The following PCDH9 variants were observed in gnomAD, a reference collection of about 807,000 sequenced individuals.
PCDH9 encodes the protein protocadherin-9.
A neutral mutation model predicts 70.6 loss-of-function variants in PCDH9; 24 were observed. The observed-to-expected ratio is 0.34, with a 90% CI of 0.25 to 0.48. PCDH9 has a LOEUF of 0.48. Among genes scored for constraint, PCDH9 ranks in the 20% least tolerant of loss-of-function variants. The probability of loss-of-function intolerance (pLI) is 0.99; values close to 1 mark genes in which losing one functional copy is unlikely to be tolerated. For synonymous variants in PCDH9, 562 were observed against 558.5 expected, an observed-to-expected ratio of 1.01 and a Z score of -0.09; for missense variants, 1,281 against 1,503.6, an observed-to-expected ratio of 0.85 and a Z score of 2.45.
rs751620446 is a variant in PCDH9, at chr13:67,074,068, CTATCTGTT to C, written c.3036+151329_3036+151336del. On this transcript the variant is annotated intron_variant, in intron 2 of 4. Coordinates refer to ENST00000377865, the MANE Select transcript of PCDH9 (RefSeq NM_203487.3). ...TCTATCTATCTATCTATCTATCTAT[CTATCTGTT>C]TATTATCTATCTGTCTGTCTATTAT... Among the ~76,000 whole-genome samples the C allele has an allele frequency of 1.3e-3, 195 of 148,996 alleles. 1 individual carries two copies. The highest frequency in any genetic ancestry group is 3.4e-3 in the Middle Eastern group (1 of 290).
intron 3 of PCDH9, among the ~76,000 whole-genome samples, chr13:66,775,614 C>T (rs1306053736): frequency 3.3e-5 from 5 of 152,200 alleles, no homozygotes; most frequent in Middle Eastern, 3.4e-3. Flanking sequence ...TCCACTTAAC[C>T]GATAATAAAT....
rs36087870 is a variant in PCDH9, at chr13:66,708,403, G to GTTT, written c.3139-76995_3139-76993dup. Among the ~76,000 whole-genome samples the GTTT allele has an allele frequency of 3.4e-3, 466 of 136,942 alleles. 21 individuals are homozygous for GTTT. The highest frequency in any genetic ancestry group is 0.012 in the Middle Eastern group (3 of 258). The allele number at this position is 136,942 out of a possible 152,430, so 89.8% of individuals were successfully genotyped here. A position where few individuals can be genotyped will look rare whatever the true frequency, so the allele number is the denominator to read the frequency against. ...ACTTTCAAGTGTACTTTGAGATTTA[G>GTTT]TTTTTTTTTTTTTTTTTCTTTCTTA... On this transcript the variant is annotated intron_variant, in intron 3 of 4. Coordinates refer to ENST00000377865, the MANE Select transcript of PCDH9 (RefSeq NM_203487.3).
chr13:66,762,832 A>G lies in PCDH9; in HGVS notation c.3139-131421T>C, dbSNP rs928165758. Among the ~76,000 whole-genome samples, 7 of 152,058 alleles carry G rather than the reference A, an allele frequency of 4.6e-5. No individual in the cohort carries two copies. In the East Asian group the frequency reaches 1.3e-3, roughly 29 times the overall value. On this transcript the variant is annotated intron_variant, in intron 3 of 4. Transcript: ENST00000377865. ...TATTGAGTCAGCTGATATTATGTGA[A>G]TATCCAAATTCATTAAGATACAAGT...
intron 2 of PCDH9, among the ~76,000 whole-genome samples, chr13:67,197,024 T>A (rs1355322516): frequency 6.6e-6 from 1 of 151,980 alleles, no homozygotes; most frequent in Non-Finnish European, 1.5e-5. Flanking sequence ...AATACCTTTG[T>A]CCTGTCCCTC....
At chr13:66,744,484 A>T (rs2079326496) in intron 3 of PCDH9, among the ~76,000 whole-genome samples, 1 of 152,172 alleles carries the variant, frequency 6.6e-6, no homozygotes, top group Non-Finnish European at 1.5e-5. Context: ...TCTTGTCCTA[A>T]ATATCATGTT....
At position 67,058,944 on chromosome 13, in the gene PCDH9, G is replaced by A. The variant is rs184857073; in HGVS notation, c.3037-155339C>T. 2.6e-5 allele frequency among the ~76,000 whole-genome samples: 4 copies of A among 152,026 alleles called. No individual in the cohort carries two copies. The East Asian group carries it at 5.8e-4, about 22-fold the overall frequency. On this transcript the variant is annotated intron_variant, in intron 2 of 4. Coordinates refer to ENST00000377865, the MANE Select transcript of PCDH9 (RefSeq NM_203487.3). ...ATTTATTGAATAAAGACTGCTTAAG[G>A]GGCATTTTAGTAGATAACCACAGCA...
chr13:67,021,785 C>A (rs1385988195), intron 2 of PCDH9, among the ~76,000 whole-genome samples: 1 of 152,078 alleles, frequency 6.6e-6, no homozygotes. Context: ...GTTTCCAACT[C>A]CAGGCCTTAG....
intron 4 of PCDH9, among the ~76,000 whole-genome samples, chr13:66,558,420 T>C (rs1466806272): frequency 2.0e-5 from 3 of 151,978 alleles, no homozygotes; most frequent in Non-Finnish European, 4.4e-5. Context: ...GAGGTCATAG[T>C]GCATTTGGCT....
At chr13:66,405,369 G>C (rs555228986) in intron 4 of PCDH9, among the ~76,000 whole-genome samples, 1 of 152,290 alleles carries the variant, frequency 6.6e-6, no homozygotes, top group East Asian at 1.9e-4. Context: ...GTTTACAAAT[G>C]CATCTTCCTT....
intron 4 of PCDH9, among the ~76,000 whole-genome samples, chr13:66,363,169 ACT>A (rs1340175630): frequency 1.3e-5 from 2 of 151,946 alleles, no homozygotes; most frequent in Admixed American, 1.3e-4. Context: ...ACAGAGCAAG[ACT>A]CTCTCTCAAA....
rs1186865702 is a variant in PCDH9 at position 66,616,481 on chromosome 13, A to ATTT, written c.3340+14728_3340+14729insAAA. On this transcript the variant is annotated intron_variant, in intron 4 of 4. Transcript: ENST00000377865. ...CATACATTCGTCATTAAATTCTAAA[A>ATTT]TTCTTTTTTTTTTTTTTTTTAATTT... Among the ~76,000 whole-genome samples the ATTT allele has an allele frequency of 3.6e-4, 8 of 22,276 alleles. 1 individual carries two copies. Among genetic ancestry groups the ATTT allele is most frequent in the Admixed American group, 8.2e-4 (1 of 1,222 alleles). 14.6% of individuals were successfully genotyped at this position (22,276 alleles called of 152,430 possible).
chr13:67,135,782 G>C (rs1202812235), intron 2 of PCDH9, among the ~76,000 whole-genome samples: 5 of 152,152 alleles, frequency 3.3e-5, no homozygotes, highest in Non-Finnish European at 1.5e-5. Context: ...GCAAAGTGAA[G>C]AGAGGTGCTG....
chr13:67,024,292 C>T (rs929491351), intron 2 of PCDH9, among the ~76,000 whole-genome samples: 2 of 152,024 alleles, frequency 1.3e-5, no homozygotes, highest in African/African-American at 4.8e-5. Flanking sequence ...TACTAAAAAG[C>T]AAACATTTGT....
intron 3 of PCDH9, among the ~76,000 whole-genome samples, chr13:66,863,053 C>G (rs1289934021): frequency 1.3e-5 from 2 of 152,082 alleles, no homozygotes; most frequent in Non-Finnish European, 2.9e-5. Flanking sequence ...ACATAACATT[C>G]TATTTCTTTA....
At chr13:66,895,752 C>T (rs1224462388) in intron 3 of PCDH9, among the ~76,000 whole-genome samples, 1 of 152,214 alleles carries the variant, frequency 6.6e-6, no homozygotes, top group Admixed American at 6.5e-5. Flanking sequence ...GTTCCACACT[C>T]ATCCAACAGA....
intron 3 of PCDH9, among the ~76,000 whole-genome samples, chr13:66,751,096 C>A (rs1261346375): frequency 6.6e-6 from 1 of 152,126 alleles, no homozygotes; most frequent in Non-Finnish European, 1.5e-5. Context: ...TCCCCTTTTC[C>A]TTCTACCACT....
chr13:66,941,329 T>C (rs2083003118), intron 2 of PCDH9, among the ~76,000 whole-genome samples: 1 of 150,512 alleles, frequency 6.6e-6, no homozygotes, highest in African/African-American at 2.4e-5. Context: ...CCAAAACAAG[T>C]CTGAAAAAGC....
At chr13:66,867,558 A>G (rs1478266119) in intron 3 of PCDH9, among the ~76,000 whole-genome samples, 2 of 152,132 alleles carry the variant, frequency 1.3e-5, no homozygotes, top group Admixed American at 6.5e-5. Context: ...AAAACCTTAA[A>G]AACATAGAAC....
chr13:66,348,100 A>G (rs1195668658), intron 4 of PCDH9, among the ~76,000 whole-genome samples: 2 of 151,830 alleles, frequency 1.3e-5, no homozygotes, highest in Non-Finnish European at 2.9e-5. Context: ...CTTTTTTCTT[A>G]TTAGTCTCTC....
Sources: gnomAD v4.1 joint callset for allele counts (sites outside exome capture counted in the v4.1 genomes callset) on GRCh38, gnomAD v4.1.1 for gene constraint, MANE v1.5 for transcripts, NCBI Gene and HGNC (gene_info 2026-07-23, HGNC 2026-07-21) for gene names.